The following COL23A1 variants were observed in gnomAD, a reference collection of about 807,000 sequenced individuals.
The protein encoded by COL23A1 is collagen alpha-1(XXIII) chain.
A neutral mutation model predicts 99.3 loss-of-function variants in COL23A1; 97 were observed. The ratio of observed to expected loss-of-function variants is 0.98; its 90% confidence interval spans 0.83 to 1.16. The LOEUF (loss-of-function observed/expected upper bound fraction) is 1.16, where lower values mean the gene tolerates loss of function less well. COL23A1 is among the 50% of genes most tolerant of loss of function. The probability of loss-of-function intolerance (pLI) is 0.00; values close to 1 mark genes in which losing one functional copy is unlikely to be tolerated. For synonymous variants in COL23A1, 320 were observed against 308.2 expected (o/e 1.04, Z -0.40); for missense variants, 762 against 757.4 (o/e 1.01, Z -0.07).
intron 2 of COL23A1, among the ~76,000 whole-genome samples, chr5:178,324,889 A>C (rs1463848991): frequency 6.6e-6 from 1 of 152,122 alleles, no homozygotes. Context: ...TCACATCCAC[A>C]GTTCCTGCCC....
At chr5:178,511,170 A>G (rs1292082469) in intron 2 of COL23A1, among the ~76,000 whole-genome samples, 1 of 152,208 alleles carries the variant, frequency 6.6e-6, no homozygotes, top group Admixed American at 6.5e-5. Flanking sequence ...AAATTTTTAA[A>G]AACGTTCTTT....
intron 5 of COL23A1, among the ~76,000 whole-genome samples, chr5:178,272,118 G>A (rs1027004324): frequency 3.3e-5 from 5 of 152,158 alleles, no homozygotes; most frequent in Admixed American, 6.5e-5. Flanking sequence ...CTCATCCCTC[G>A]GCTCTCTGTT....
rs1421838163 is a variant in COL23A1 at position 178,313,201 on chromosome 5, G to C, written c.362-6282C>G. ...CCATCGGTGGGCTGGGCTAGGGGAG[G>C]CGAGACTGGGAAGTCGGTGGGCCCA... On this transcript the variant is annotated intron_variant, in intron 2 of 28. Transcript: ENST00000390654. This position sits in a 1 kb window ranked among gnomAD's most constrained non-coding sequence, Gnocchi z 4.2. 8.5e-5 allele frequency among the ~76,000 whole-genome samples: 13 copies of C among 152,294 alleles called. No individual in the cohort carries two copies. In the East Asian group the frequency reaches 2.5e-3, roughly 29 times the overall value.
chr5:178,287,122 G>T (rs529602151), intron 5 of COL23A1, among the ~76,000 whole-genome samples: 1 of 152,254 alleles, frequency 6.6e-6, no homozygotes, highest in Non-Finnish European at 1.5e-5. Context: ...TGCAGGAGAC[G>T]GGAGCCTGAC....
rs1320750088 is a variant in COL23A1 at position 178,384,770 on chromosome 5, C to T, written c.362-77851G>A. On this transcript the variant is annotated intron_variant, in intron 2 of 28. Coordinates refer to ENST00000390654, the MANE Select transcript of COL23A1 (RefSeq NM_173465.4). This position sits in a 1 kb window ranked among gnomAD's most constrained non-coding sequence, Gnocchi z 5.5. ...CAGCCACCACGACCCTTGTACCACC[C>T]GGGGACGGCCCAGAACAGCCTGGGG... Among the ~76,000 whole-genome samples the T allele has an allele frequency of 1.3e-5, 2 of 152,216 alleles. No individual in the cohort carries two copies. Among genetic ancestry groups the T allele is most frequent in the Non-Finnish European group, 2.9e-5 (2 of 68,034 alleles).
At chr5:178,551,203 AATT>A (rs895521697) in intron 2 of COL23A1, among the ~76,000 whole-genome samples, 9 of 36,338 alleles carry the variant, frequency 2.5e-4, no homozygotes, top group Non-Finnish European at 8.3e-4. Flanking sequence ...AATATATATA[AATT>A]ATTTTTCTTT....
intron 2 of COL23A1, among the ~76,000 whole-genome samples, chr5:178,499,279 G>GA (rs1433855336): frequency 6.6e-6 from 1 of 152,124 alleles, no homozygotes; most frequent in Non-Finnish European, 1.5e-5. Flanking sequence ...ATTAGAGGAT[G>GA]AAAGAGATCT....
intron 2 of COL23A1, among the ~76,000 whole-genome samples, chr5:178,433,519 A>G (rs1766380629): frequency 1.3e-5 from 2 of 152,004 alleles, no homozygotes; most frequent in Admixed American, 1.3e-4. Flanking sequence ...ATCATTGGCA[A>G]TTGGTGATTA....
intron 12 of COL23A1, among the ~76,000 whole-genome samples, chr5:178,258,931 T>TTTG (rs1765483654): frequency 6.7e-6 from 1 of 150,224 alleles, no homozygotes; most frequent in Non-Finnish European, 1.5e-5. Context: ...TTTTTTTTTT[T>TTTG]TGAGACGAGT....
chr5:178,456,333 A>G (rs1428147107), intron 2 of COL23A1, among the ~76,000 whole-genome samples: 1 of 152,248 alleles, frequency 6.6e-6, no homozygotes, highest in African/African-American at 2.4e-5. Flanking sequence ...TTTATATTAA[A>G]CCAGAAGGAA....
intron 1 of COL23A1, among the ~76,000 whole-genome samples, chr5:178,583,113 G>A (rs1285377649): frequency 6.6e-6 from 1 of 152,212 alleles, no homozygotes; most frequent in Admixed American, 6.5e-5. Flanking sequence ...CAACTTTTAG[G>A]ATTTGAAGTA....
intron 2 of COL23A1, among the ~76,000 whole-genome samples, chr5:178,542,321 G>A (rs186088129): frequency 1.3e-5 from 2 of 152,252 alleles, no homozygotes; most frequent in Non-Finnish European, 2.9e-5. Context: ...GTGAGCCACC[G>A]TGCCCGGCCC....
intron 2 of COL23A1, among the ~76,000 whole-genome samples, chr5:178,362,174 A>G (rs1762206543): frequency 6.6e-6 from 1 of 152,138 alleles, no homozygotes; most frequent in Non-Finnish European, 1.5e-5. Context: ...TGGTGTGCAG[A>G]GCGGCTCCTC....
intron 2 of COL23A1, among the ~76,000 whole-genome samples, chr5:178,323,214 C>A (rs1007744819): frequency 1.3e-5 from 2 of 152,130 alleles, no homozygotes; most frequent in Non-Finnish European, 2.9e-5. Flanking sequence ...TCCTGGAGGG[C>A]AGGGCCCTCG....
At position 178,442,292 on chromosome 5, in the gene COL23A1, GT is replaced by G. The variant is rs558864637; in HGVS notation, c.361+118389del. Among the ~76,000 whole-genome samples the G allele has an allele frequency of 1.1e-4, 17 of 152,308 alleles. 1 individual carries two copies. In the South Asian group the frequency reaches 3.5e-3, roughly 32 times the overall value. ...GTCTTATGAAAGGTTCTGTTTGCTG[GT>G]AATTCCATGAGGAAAATTGCCTTTG... On this transcript the variant is annotated intron_variant, in intron 2 of 28. Coordinates refer to ENST00000390654, the MANE Select transcript of COL23A1 (RefSeq NM_173465.4).
In COL23A1 at chr5:178,587,942, T is replaced by C. The variant is rs117309287; in HGVS notation, c.294+1962A>G. ...AGAAGTTCAGCCCCAACTGCATTCATACTGCACCATCTCTGACTCTCCACT... is the reference window on the plus strand; with the variant it reads ...AGAAGTTCAGCCCCAACTGCATTCACACTGCACCATCTCTGACTCTCCACT... On this transcript the variant is annotated intron_variant, in intron 1 of 28. Coordinates refer to ENST00000390654, the MANE Select transcript of COL23A1 (RefSeq NM_173465.4). Among the ~76,000 whole-genome samples, 11 of 152,344 alleles carry C rather than the reference T, an allele frequency of 7.2e-5. No homozygotes were observed. In the East Asian group the frequency reaches 2.1e-3, roughly 29 times the overall value.
chr5:178,528,258 C>A (rs750853954), intron 2 of COL23A1, among the ~76,000 whole-genome samples: 3 of 152,200 alleles, frequency 2.0e-5, no homozygotes, highest in Admixed American at 2.0e-4. Flanking sequence ...AGCCCACTCA[C>A]GATCACTCAT....
chr5:178,357,021 T>C (rs1030793887), intron 2 of COL23A1, among the ~76,000 whole-genome samples: 8 of 152,252 alleles, frequency 5.3e-5, no homozygotes, highest in African/African-American at 1.9e-4. Flanking sequence ...AAACAGTGCT[T>C]CGAGTCAAAT....
chr5:178,347,896 AAC>A (rs1434203126), intron 2 of COL23A1, among the ~76,000 whole-genome samples: 5 of 43,358 alleles, frequency 1.2e-4, no homozygotes, highest in Admixed American at 2.7e-4. Context: ...AAAAAAAAAA[AAC>A]CCAAAAAAAC....
Sources: gnomAD v4.1 joint callset for allele counts (sites outside exome capture counted in the v4.1 genomes callset) on GRCh38, gnomAD v4.1.1 for gene constraint, Gnocchi (gnomAD v3.1) non-coding constraint, MANE v1.5 for transcripts, NCBI Gene and HGNC (gene_info 2026-07-23, HGNC 2026-07-21) for gene names.